Variants in ZNF800 observed in about 807,000 individuals in gnomAD.
ZNF800 encodes the protein zinc finger protein 800.
A neutral mutation model predicts 59.5 loss-of-function variants in ZNF800; 13 were observed. That is an observed-to-expected ratio of 0.22 (90% CI 0.14 to 0.35). The LOEUF is 0.35. ZNF800 is among the 10% of genes least tolerant of loss of function. The probability of loss-of-function intolerance (pLI) is 1.00; values close to 1 mark genes in which losing one functional copy is unlikely to be tolerated. For synonymous variants in ZNF800, 266 were observed against 265.7 expected (o/e 1.00, Z -0.01); for missense variants, 621 against 783.7 (o/e 0.79, Z 2.48).
intron 3 of ZNF800, among the ~76,000 whole-genome samples, chr7:127,379,124 C>G (rs374627425): frequency 1.3e-5 from 2 of 152,056 alleles, no homozygotes; most frequent in African/African-American, 4.8e-5. Context: ...CAGAGAATAG[C>G]CTGAGTGTTA....
intron 3 of ZNF800, among the ~76,000 whole-genome samples, chr7:127,378,491 T>C (rs1800854236): frequency 6.6e-6 from 1 of 152,200 alleles, no homozygotes; most frequent in East Asian, 1.9e-4. Context: ...TCCTTAAGAC[T>C]GTCTAGGTGC....
At chr7:127,344,629 A>T (rs577326231), downstream of ZNF800, among the ~76,000 whole-genome samples, 23 of 152,282 alleles carry the variant, frequency 1.5e-4, 1 homozygote, top group South Asian at 4.8e-3. Flanking sequence ...AGCAAATGAT[A>T]AAATGGCAAT....
downstream of ZNF800, among the ~76,000 whole-genome samples, chr7:127,344,876 A>C (rs1285082472): frequency 6.6e-6 from 1 of 152,176 alleles, no homozygotes; most frequent in African/African-American, 2.4e-5. Context: ...ATCTGAAAAA[A>C]TGAAATAAAA....
At chr7:127,379,252 G>T (rs1418614794) in intron 3 of ZNF800, among the ~76,000 whole-genome samples, 1 of 152,174 alleles carries the variant, frequency 6.6e-6, no homozygotes, top group Non-Finnish European at 1.5e-5. Context: ...ATAAGTGAGT[G>T]ACAAACTATG....
Position 127,392,069 on chromosome 7 carries a change from AGGGCGGGCCGGC to A in ZNF800, c.-80_-69del. On this transcript the variant is annotated 5_prime_UTR_variant, in exon 1 of 6. Coordinates refer to ENST00000265827, the MANE Select transcript of ZNF800 (RefSeq NM_176814.5). ...AGTGCGCCCAACTTACTCAACTCTT[AGGGCGGGCCGGC>A]GGGCGGGCGGAAGGAAGGAAGGCAG... 2.6e-6 allele frequency: 1 copy of A among 389,722 alleles called. No individual in the cohort carries two copies. The highest frequency in any genetic ancestry group is 4.5e-6 in the Non-Finnish European group (1 of 220,786). The allele number at this position is 389,722 out of a possible 1,614,324, so 24.1% of individuals were successfully genotyped here. A position where few individuals can be genotyped will look rare whatever the true frequency, so the allele number is the denominator to read the frequency against.
chr7:127,361,774 T>A (rs1353420728), intron 1 of ZNF800: 2 of 152,128 alleles, frequency 1.3e-5, no homozygotes, highest in Non-Finnish European at 2.9e-5. Flanking sequence ...TAAAGATGAA[T>A]TCACTAATAT....
chr7:127,388,791 C>T (rs1448159161), intron 2 of ZNF800, among the ~76,000 whole-genome samples: 1 of 152,160 alleles, frequency 6.6e-6, no homozygotes. Flanking sequence ...TGTGCCTGGA[C>T]ACAACCACTT....
intron 1 of ZNF800, among the ~76,000 whole-genome samples, chr7:127,355,360 C>G (rs10487478): frequency 6.6e-6 from 1 of 152,010 alleles, no homozygotes; most frequent in African/African-American, 2.4e-5. Context: ...TTTCATAATT[C>G]TACATGCTGC....
intron 1 of ZNF800, among the ~76,000 whole-genome samples, chr7:127,358,212 C>A (rs1183960235): frequency 6.6e-6 from 1 of 151,896 alleles, no homozygotes; most frequent in African/African-American, 2.4e-5. Context: ...CTCCCGTATT[C>A]TTTGCCTTGA....
rs1354851193 is a variant in ZNF800, at chr7:127,373,341, C to G, written c.1994+1G>C. Reference sequence around the variant, plus strand: ...GCAAAACTCTGTTAACTGTTCCTCACCAGACAAGAGCCTTAGATCTTGTAC... The same window carrying G: ...GCAAAACTCTGTTAACTGTTCCTCAGCAGACAAGAGCCTTAGATCTTGTAC... On this transcript the variant is annotated splice_donor_variant, in intron 5 of 5. Transcript: ENST00000265827. LOFTEE classifies it high-confidence loss of function. 1 of 1,574,910 alleles carries G rather than the reference C, an allele frequency of 6.3e-7. No individual in the cohort carries two copies. The highest frequency in any genetic ancestry group is 8.6e-7 in the Non-Finnish European group (1 of 1,162,378).
In ZNF800 at chr7:127,390,285, A is replaced by G. The variant is rs553272507; in HGVS notation, c.61+1212T>C. Among the ~76,000 whole-genome samples the G allele has an allele frequency of 2.0e-5, 3 of 152,354 alleles. No individual in the cohort carries two copies. The East Asian group carries it at 5.8e-4, about 29-fold the overall frequency. ...TCAACATCAGTAAAACATAAGTGAT[A>G]TATCTGCAGTTCAAATACACAAAAT... is the stretch of plus-strand genomic sequence containing the variant. On this transcript the variant is annotated intron_variant, in intron 2 of 5. Coordinates refer to ENST00000265827, the MANE Select transcript of ZNF800 (RefSeq NM_176814.5).
Position 127,390,226 on chromosome 7 carries a change from C to G in ZNF800, c.61+1271G>C, listed in dbSNP as rs925270769. ...GTGGAACATGAGTTTAAATGGCACT[C>G]ACATCTGTATAGTTCAAAACTAGCA... On this transcript the variant is annotated intron_variant, in intron 2 of 5. Transcript: ENST00000265827. 1.3e-5 allele frequency among the ~76,000 whole-genome samples: 2 copies of G among 152,018 alleles called. 1 individual carries two copies.
chr7:127,382,268 C>G (rs563455343), intron 3 of ZNF800, among the ~76,000 whole-genome samples: 1 of 152,280 alleles, frequency 6.6e-6, no homozygotes, highest in South Asian at 2.1e-4. Context: ...ACCATAGGGG[C>G]ATTCCATAGT....
downstream of ZNF800, among the ~76,000 whole-genome samples, chr7:127,345,817 G>A (rs1800052436): frequency 6.6e-6 from 1 of 152,192 alleles, no homozygotes; most frequent in African/African-American, 2.4e-5. Context: ...AGAGAGACCA[G>A]GTGGGACTGG....
In ZNF800 at chr7:127,370,984, T is replaced by C. The variant is rs1800619099; in HGVS notation, c.*830A>G. On this transcript the variant is annotated 3_prime_UTR_variant, in exon 6 of 6. Transcript: ENST00000265827. ...GTTGTGCATGGATTGTCTGCATCCA[T>C]AAAATATCAGTAAGCTATTTATTAC... is the stretch of plus-strand genomic sequence containing the variant. 2 of 152,612 alleles carry C rather than the reference T, an allele frequency of 1.3e-5. No homozygotes were observed. Among genetic ancestry groups the C allele is most frequent in the African/African-American group, 4.8e-5 (2 of 41,464 alleles). The allele number at this position is 152,612 out of a possible 1,614,324, so 9.5% of individuals were successfully genotyped here.
At chr7:127,365,550 A>C (rs1209711233), downstream of ZNF800, among the ~76,000 whole-genome samples, 1 of 150,426 alleles carries the variant, frequency 6.6e-6, no homozygotes, top group Non-Finnish European at 1.5e-5. Context: ...AATGTTTACC[A>C]AAACAAAACA....
rs1414527747 is a variant in ZNF800 at position 127,370,227 on chromosome 7, CTA to C, written c.*1585_*1586del. 1.3e-5 allele frequency: 2 copies of C among 152,150 alleles called. No homozygotes were observed. The highest frequency in any genetic ancestry group is 3.8e-4 in the East Asian group (2 of 5,202). The allele number at this position is 152,150 out of a possible 1,614,324, so 9.4% of individuals were successfully genotyped here. On this transcript the variant is annotated 3_prime_UTR_variant, in exon 6 of 6. Transcript: ENST00000265827. ...TTTAAATTAAAGAGAAATTATTACT[CTA>C]TTTCTTAGAAATAAAACTATCAGAA...
chr7:127,354,594 T>C (rs1285655861), intron 1 of ZNF800, among the ~76,000 whole-genome samples: 1 of 152,110 alleles, frequency 6.6e-6, no homozygotes, highest in African/African-American at 2.4e-5. Flanking sequence ...GTCCAAGAAA[T>C]TGGTAACTTC....
At chr7:127,379,636 T>C (rs1479556434) in intron 3 of ZNF800, among the ~76,000 whole-genome samples, 9 of 152,164 alleles carry the variant, frequency 5.9e-5, no homozygotes, top group Admixed American at 4.6e-4. Context: ...ATCAGACACA[T>C]CACTTTGCCT....
Sources: allele counts gnomAD v4.1 joint callset (sites outside exome capture counted in the v4.1 genomes callset), GRCh38; gene constraint gnomAD v4.1.1; transcripts MANE v1.5; gene names NCBI Gene and HGNC (gene_info 2026-07-23, HGNC 2026-07-21).